The following TAFA2 variants were observed in gnomAD, a reference collection of about 807,000 sequenced individuals.
TAFA2 encodes TAFA chemokine like family member 2, also known as chemokine-like protein TAFA-2.
Under a neutral mutation model 18.8 loss-of-function variants are expected in TAFA2, and 7 were observed. The ratio of observed to expected loss-of-function variants is 0.37; its 90% CI spans 0.21 to 0.70. The LOEUF is 0.70. TAFA2 is among the 30% of genes least tolerant of loss of function. The pLI is 0.53. For missense variants in TAFA2, 122 were observed against 158.1 expected, an observed-to-expected ratio of 0.77 and a Z score of 1.23; for synonymous variants, 60 against 54.2, an observed-to-expected ratio of 1.11 and a Z score of -0.47.
At chr12:61,721,845 C>T (rs1869915831) in intron 4 of TAFA2, among the ~76,000 whole-genome samples, 1 of 152,022 alleles carries the variant, frequency 6.6e-6, no homozygotes, top group Non-Finnish European at 1.5e-5. Context: ...ATCCCAGCTA[C>T]TCTGGAGGCT....
chr12:61,910,215 A>G (rs1876551292), intron 1 of TAFA2, among the ~76,000 whole-genome samples: 1 of 152,012 alleles, frequency 6.6e-6, no homozygotes, highest in Non-Finnish European at 1.5e-5. Flanking sequence ...CTAACAAGAC[A>G]ATTCATGGAT....
intron 1 of TAFA2, among the ~76,000 whole-genome samples, chr12:62,033,105 C>A (rs1396845385): frequency 6.6e-6 from 1 of 152,154 alleles, no homozygotes; most frequent in Non-Finnish European, 1.5e-5. Flanking sequence ...AGTTATTCCA[C>A]CCTGTCCAGG....
intron 1 of TAFA2, among the ~76,000 whole-genome samples, chr12:62,119,891 T>C (rs1870119114): frequency 1.3e-5 from 2 of 151,940 alleles, no homozygotes; most frequent in South Asian, 2.1e-4. Flanking sequence ...CTGACCAACA[T>C]GGAGAAACCC....
intron 1 of TAFA2, among the ~76,000 whole-genome samples, chr12:62,037,946 A>G (rs1881653327): frequency 6.6e-6 from 1 of 152,226 alleles, no homozygotes; most frequent in South Asian, 2.1e-4. Flanking sequence ...AAAAATAAGT[A>G]AAAACATCCA....
At chr12:62,251,754 CAATT>C (rs1234608904) in intron 1 of TAFA2, among the ~76,000 whole-genome samples, 2 of 152,164 alleles carry the variant, frequency 1.3e-5, no homozygotes, top group Admixed American at 6.5e-5. Flanking sequence ...AACCCTACAT[CAATT>C]AGTTATTGCA....
At chr12:61,996,346 T>A (rs1192881653) in intron 1 of TAFA2, among the ~76,000 whole-genome samples, 1 of 152,270 alleles carries the variant, frequency 6.6e-6, no homozygotes, top group Admixed American at 6.5e-5. Flanking sequence ...ACAACCCTTT[T>A]TACTCCAACC....
intron 1 of TAFA2, among the ~76,000 whole-genome samples, chr12:62,040,369 C>A (rs1280735620): frequency 6.6e-6 from 1 of 152,026 alleles, no homozygotes; most frequent in Non-Finnish European, 1.5e-5. Context: ...CAGAATCTGA[C>A]CTTATTTGGA....
chr12:62,048,258 GA>G (rs1254755794), intron 1 of TAFA2, among the ~76,000 whole-genome samples: 1 of 151,994 alleles, frequency 6.6e-6, no homozygotes, highest in East Asian at 1.9e-4. Context: ...GGCAGAAGGT[GA>G]AGAGGAAGTA....
chr12:61,994,164 T>C (rs1162480312), intron 1 of TAFA2, among the ~76,000 whole-genome samples: 1 of 152,152 alleles, frequency 6.6e-6, no homozygotes, highest in African/African-American at 2.4e-5. Flanking sequence ...CCCCCCACTT[T>C]AACATTAACA....
chr12:61,993,902 C>T (rs768431591), intron 1 of TAFA2, among the ~76,000 whole-genome samples: 11 of 151,766 alleles, frequency 7.2e-5, no homozygotes, highest in Admixed American at 6.6e-5. Flanking sequence ...CCTCATAGTG[C>T]TCCCTCTCTC....
intron 1 of TAFA2, among the ~76,000 whole-genome samples, chr12:62,165,285 C>A (rs2062431149): frequency 6.6e-6 from 1 of 152,080 alleles, no homozygotes; most frequent in Non-Finnish European, 1.5e-5. Context: ...AAACCAACTT[C>A]TACCTCTCTG....
intron 1 of TAFA2, among the ~76,000 whole-genome samples, chr12:62,176,934 T>C (rs1158587222): frequency 6.6e-6 from 1 of 152,220 alleles, no homozygotes; most frequent in African/African-American, 2.4e-5. Context: ...TCAAGACTCA[T>C]GTTTGCTTCC....
At chr12:61,975,537 G>GTGTGTGTGTGTGTA (rs1196638668) in intron 1 of TAFA2, among the ~76,000 whole-genome samples, 2 of 151,438 alleles carry the variant, frequency 1.3e-5, no homozygotes, top group South Asian at 4.2e-4. Context: ...GTGTGTGTGT[G>GTGTGTGTGTGTGTA]TGTGTGTATC....
intron 1 of TAFA2, among the ~76,000 whole-genome samples, chr12:62,182,195 T>A (rs1278586594): frequency 1.3e-5 from 2 of 152,170 alleles, no homozygotes; most frequent in African/African-American, 2.4e-5. Context: ...CTCTTCAAAC[T>A]GTAGGATGTA....
intron 2 of TAFA2, among the ~76,000 whole-genome samples, chr12:61,759,573 G>T (rs1387343003): frequency 6.6e-6 from 1 of 151,954 alleles, no homozygotes; most frequent in Non-Finnish European, 1.5e-5. Flanking sequence ...AAGCCATGTT[G>T]TTATAAACCT....
chr12:61,802,585 G>A (rs925630057), intron 2 of TAFA2, among the ~76,000 whole-genome samples: 29 of 151,932 alleles, frequency 1.9e-4, no homozygotes, highest in African/African-American at 7.0e-4. Flanking sequence ...GTAGAACTGT[G>A]GTTATCAAGA....
chr12:62,243,754 C>T (rs528326812), intron 1 of TAFA2, among the ~76,000 whole-genome samples: 2 of 152,326 alleles, frequency 1.3e-5, no homozygotes, highest in East Asian at 3.9e-4. Context: ...ACCATTACAA[C>T]ATCTGCTTTT....
chr12:62,101,715 T>A (rs189802003), intron 1 of TAFA2, among the ~76,000 whole-genome samples: 93 of 152,330 alleles, frequency 6.1e-4, no homozygotes, highest in African/African-American at 2.1e-3. Flanking sequence ...CTTTCATTTA[T>A]CTCAATTTTT....
chr12:62,144,735 C>T (rs552183949), intron 1 of TAFA2, among the ~76,000 whole-genome samples: 2 of 152,164 alleles, frequency 1.3e-5, no homozygotes, highest in East Asian at 3.9e-4. Flanking sequence ...AGAACCCAAC[C>T]TATGTCCTAT....
Sources: allele counts gnomAD v4.1 joint callset (sites outside exome capture counted in the v4.1 genomes callset), GRCh38; gene constraint gnomAD v4.1.1; transcripts MANE v1.5; gene names NCBI Gene and HGNC (gene_info 2026-07-23, HGNC 2026-07-21).